Variants in LRRC4C observed in about 807,000 individuals in gnomAD.
The protein encoded by LRRC4C is leucine rich repeat containing 4C, also known as leucine-rich repeat-containing protein 4C.
Under a neutral mutation model 33.6 loss-of-function variants are expected in LRRC4C, and 5 were observed. The observed-to-expected ratio is 0.15, with a 90% CI of 0.08 to 0.31. The LOEUF is 0.31. LRRC4C is among the 10% of genes least tolerant of loss of function. The pLI is 1.00. For synonymous variants in LRRC4C, 329 were observed against 302.0 expected (o/e 1.09, Z -0.93); for missense variants, 560 against 796.7 (o/e 0.70, Z 3.58).
chr11:40,982,369 T>A (rs887092602), intron 1 of LRRC4C, among the ~76,000 whole-genome samples: 2 of 152,068 alleles, frequency 1.3e-5, no homozygotes, highest in Non-Finnish European at 2.9e-5. Context: ...TAAAACAGAG[T>A]CACCTGACTT....
intron 2 of LRRC4C, among the ~76,000 whole-genome samples, chr11:40,889,891 T>C (rs7121846): frequency 2.6e-5 from 4 of 152,146 alleles, no homozygotes; most frequent in Admixed American, 2.6e-4. Flanking sequence ...AAAATGAATG[T>C]AGTGTTTGCA....
intron 5 of LRRC4C, among the ~76,000 whole-genome samples, chr11:40,184,089 T>C (rs1287362965): frequency 7.0e-6 from 1 of 142,006 alleles, no homozygotes; most frequent in East Asian, 1.9e-4. Flanking sequence ...TTAGCTATGT[T>C]TGTGCTATTT....
intron 3 of LRRC4C, among the ~76,000 whole-genome samples, chr11:40,617,802 T>C (rs1962012559): frequency 6.6e-6 from 1 of 151,744 alleles, no homozygotes; most frequent in Non-Finnish European, 1.5e-5. Context: ...TTAACCATTT[T>C]AGCATCCCCT....
At chr11:41,135,737 T>C (rs1443408219) in intron 1 of LRRC4C, among the ~76,000 whole-genome samples, 1 of 152,194 alleles carries the variant, frequency 6.6e-6, no homozygotes, top group African/African-American at 2.4e-5. Flanking sequence ...TCGTTCTACC[T>C]TACTGCTCAC....
intron 1 of LRRC4C, among the ~76,000 whole-genome samples, chr11:41,099,296 C>G (rs960915140): frequency 6.7e-6 from 1 of 150,020 alleles, no homozygotes; most frequent in Non-Finnish European, 1.5e-5. Flanking sequence ...GAAACTATTC[C>G]AAAAAACTGA....
intron 1 of LRRC4C, among the ~76,000 whole-genome samples, chr11:41,105,380 A>C (rs1294351714): frequency 6.6e-6 from 1 of 152,000 alleles, no homozygotes; most frequent in East Asian, 1.9e-4. Context: ...TGCATCTTAT[A>C]TATACATCAC....
At chr11:40,951,563 G>A (rs1444749280) in intron 1 of LRRC4C, among the ~76,000 whole-genome samples, 1 of 151,922 alleles carries the variant, frequency 6.6e-6, no homozygotes, top group East Asian at 1.9e-4. Flanking sequence ...GTTGCCCTGA[G>A]TTACAGAAAA....
intron 2 of LRRC4C, among the ~76,000 whole-genome samples, chr11:40,884,812 A>G (rs1955362688): frequency 6.6e-6 from 1 of 152,036 alleles, no homozygotes; most frequent in African/African-American, 2.4e-5. Flanking sequence ...CTTTTACTTA[A>G]AAAAAGTTAC....
intron 5 of LRRC4C, among the ~76,000 whole-genome samples, chr11:40,223,573 GAA>G (rs2135945189): frequency 6.6e-6 from 1 of 152,302 alleles, no homozygotes; most frequent in African/African-American, 2.4e-5. Context: ...GCCTCCTTAA[GAA>G]GAGACCAACC....
chr11:40,208,028 G>A (rs1404773756), intron 5 of LRRC4C, among the ~76,000 whole-genome samples: 1 of 152,114 alleles, frequency 6.6e-6, no homozygotes, highest in Non-Finnish European at 1.5e-5. Context: ...ACTTGCTTAT[G>A]ATACTACATC....
intron 1 of LRRC4C, among the ~76,000 whole-genome samples, chr11:41,126,086 G>A (rs981782596): frequency 6.6e-6 from 1 of 151,914 alleles, no homozygotes; most frequent in African/African-American, 2.4e-5. Flanking sequence ...AATGCATGTG[G>A]GGCTTAATAC....
chr11:40,355,953 T>TGTATAGTATAGTATACTATA (rs1947641884), intron 3 of LRRC4C, among the ~76,000 whole-genome samples: 1 of 121,488 alleles, frequency 8.2e-6, no homozygotes, highest in African/African-American at 2.8e-5. Context: ...AGTATAGTAT[T>TGTATAGTATAGTATACTATA]GTATAGTATA....
chr11:41,138,570 T>C (rs568845656), intron 1 of LRRC4C, among the ~76,000 whole-genome samples: 50 of 152,286 alleles, frequency 3.3e-4, no homozygotes, highest in African/African-American at 1.2e-3. Flanking sequence ...GAAAATGATA[T>C]CTAAGTTTCA....
At chr11:40,248,786 G>T (rs547502200) in intron 4 of LRRC4C, among the ~76,000 whole-genome samples, 2 of 152,208 alleles carry the variant, frequency 1.3e-5, no homozygotes, top group South Asian at 4.1e-4. Flanking sequence ...ACTCTTATTT[G>T]CTCATTACAT....
intron 2 of LRRC4C, among the ~76,000 whole-genome samples, chr11:40,883,447 C>T (rs922200353): frequency 2.6e-5 from 4 of 151,924 alleles, no homozygotes; most frequent in African/African-American, 9.7e-5. Flanking sequence ...CAGCAGATAG[C>T]TAAATTTTTA....
chr11:40,717,668 C>T (rs1337956154), intron 2 of LRRC4C, among the ~76,000 whole-genome samples: 2 of 151,976 alleles, frequency 1.3e-5, no homozygotes, highest in East Asian at 3.9e-4. Flanking sequence ...AGGTTTACCC[C>T]GTGTAGTCTT....
At chr11:41,268,953 T>A (rs945488176) in intron 1 of LRRC4C, among the ~76,000 whole-genome samples, 1 of 152,078 alleles carries the variant, frequency 6.6e-6, no homozygotes, top group Admixed American at 6.6e-5. Context: ...TTTTCTCAAC[T>A]AAGTGTGCTC....
At chr11:41,077,286 C>A (rs1296626709) in intron 1 of LRRC4C, among the ~76,000 whole-genome samples, 1 of 152,180 alleles carries the variant, frequency 6.6e-6, no homozygotes, top group Non-Finnish European at 1.5e-5. Context: ...GGGGCTCCAA[C>A]CCCACATTTC....
chr11:41,173,259 C>T (rs1044918326), intron 1 of LRRC4C, among the ~76,000 whole-genome samples: 3 of 152,124 alleles, frequency 2.0e-5, no homozygotes, highest in African/African-American at 7.2e-5. Flanking sequence ...TAACCCGCAG[C>T]TCTTTGTAGA....
Sources: gnomAD v4.1 joint callset for allele counts (sites outside exome capture counted in the v4.1 genomes callset) on GRCh38, gnomAD v4.1.1 for gene constraint, MANE v1.5 for transcripts, NCBI Gene and HGNC (gene_info 2026-07-23, HGNC 2026-07-21) for gene names.